The following FGD5 variants were observed in gnomAD, a reference collection of about 807,000 sequenced individuals.
The protein encoded by FGD5 is FYVE, RhoGEF and PH domain containing 5, also known as FYVE, RhoGEF and PH domain-containing protein 5.
A neutral mutation model predicts 133.4 loss-of-function variants in FGD5; 28 were observed. The observed-to-expected ratio is 0.21, with a 90% confidence interval of 0.16 to 0.29. The LOEUF is 0.29. Among genes scored for constraint, FGD5 ranks in the 10% least tolerant of loss-of-function variants. FGD5 has a pLI of 1.00. For missense variants in FGD5, 1,858 were observed against 1,895.2 expected, an observed-to-expected ratio of 0.98 and a Z score of 0.36; for synonymous variants, 810 against 776.5, an observed-to-expected ratio of 1.04 and a Z score of -0.72.
At chr3:14,882,408 A>G (rs2037842476) in intron 4 of FGD5, 1 of 958,014 alleles carries the variant, frequency 1.0e-6, no homozygotes. Flanking sequence ...CATAAAAGTC[A>G]TCACTCAGGC....
At chr3:14,827,538 C>T (rs866390752) in intron 1 of FGD5, among the ~76,000 whole-genome samples, 1 of 152,118 alleles carries the variant, frequency 6.6e-6, no homozygotes, top group African/African-American at 2.4e-5. Flanking sequence ...GAGTGTCCTG[C>T]TTGCAAGAGA....
chr3:14,819,441 G>C lies in FGD5; in HGVS notation c.370G>C (p.Ala124Pro). The change falls in exon 1 of 20, where the codon GCT becomes CCT. Residue 124 changes from alanine to proline, a missense_variant. By Grantham distance (27) the Ala-to-Pro change is conservative. Coordinates refer to ENST00000285046, the MANE Select transcript of FGD5 (RefSeq NM_152536.4). This position sits in a 1 kb window ranked among gnomAD's most constrained non-coding sequence, Gnocchi z 4.1. Reference protein sequence around the residue: ...TGAGEDSVAPAAPGAGALSRE... With the variant: ...TGAGEDSVAPPAPGAGALSRE... ...AGCTGGTGAGGATTCAGTGGCCCCT[G>C]CTGCTCCGGGTGCAGGAGCGCTGAG... is the stretch of plus-strand genomic sequence containing the variant. 1 of 1,550,356 alleles carries C rather than the reference G, an allele frequency of 6.5e-7. No individual in the cohort carries two copies. The highest frequency in any genetic ancestry group is 2.4e-5 in the East Asian group (1 of 40,904).
At chr3:14,927,212 A>G (rs907844037) in intron 18 of FGD5, among the ~76,000 whole-genome samples, 1 of 152,124 alleles carries the variant, frequency 6.6e-6, no homozygotes, top group Non-Finnish European at 1.5e-5. Context: ...GCTGCACCCC[A>G]CCCTGAGGGG....
chr3:14,873,189 G>T (rs2037645363), intron 2 of FGD5, among the ~76,000 whole-genome samples: 1 of 152,098 alleles, frequency 6.6e-6, no homozygotes, highest in Admixed American at 6.6e-5. Flanking sequence ...ATCATGACTG[G>T]GAACTCAATC....
intron 4 of FGD5, among the ~76,000 whole-genome samples, chr3:14,896,256 T>C (rs1575239798): frequency 6.6e-6 from 1 of 152,182 alleles, no homozygotes; most frequent in East Asian, 1.9e-4. Flanking sequence ...AAAATACCAA[T>C]GACATTCTTC....
chr3:14,816,091 G>T (rs1294191888), upstream of FGD5, among the ~76,000 whole-genome samples: 1 of 152,212 alleles, frequency 6.6e-6, no homozygotes, highest in African/African-American at 2.4e-5. Flanking sequence ...TCATGCCTCA[G>T]ACACCCACCA....
chr3:14,864,426 C>T (rs191548763), intron 2 of FGD5, among the ~76,000 whole-genome samples, 166 bp downstream of exon 2: 6 of 152,354 alleles, frequency 3.9e-5, no homozygotes, highest in South Asian at 2.1e-4. Flanking sequence ...TAGGAAGCAT[C>T]GCCTTCTGGG....
chr3:14,829,166 T>G (rs192276870), intron 1 of FGD5, among the ~76,000 whole-genome samples: 1 of 151,938 alleles, frequency 6.6e-6, no homozygotes, highest in East Asian at 1.9e-4. Flanking sequence ...TGCGCTTGAG[T>G]CTGGAGAGTC....
At chr3:14,832,029 C>T (rs1043492154) in intron 1 of FGD5, among the ~76,000 whole-genome samples, 1 of 152,126 alleles carries the variant, frequency 6.6e-6, no homozygotes, top group Non-Finnish European at 1.5e-5. Flanking sequence ...ACCAGAGAGG[C>T]AGCATGGCAC....
intron 7 of FGD5, among the ~76,000 whole-genome samples, chr3:14,899,660 G>A (rs2038199850): frequency 6.6e-6 from 1 of 152,224 alleles, no homozygotes; most frequent in African/African-American, 2.4e-5. Context: ...TGGAGATGCA[G>A]CAGTAAATCG....
At chr3:14,854,119 G>T (rs184192158) in intron 1 of FGD5, among the ~76,000 whole-genome samples, 1 of 151,826 alleles carries the variant, frequency 6.6e-6, no homozygotes, top group East Asian at 1.9e-4. Flanking sequence ...CCACCTTATA[G>T]GTAAGAAACA....
chr3:14,855,704 A>G (rs150745477), intron 1 of FGD5, among the ~76,000 whole-genome samples: 2 of 150,952 alleles, frequency 1.3e-5, no homozygotes, highest in Non-Finnish European at 3.0e-5. Flanking sequence ...TTTTAATCAG[A>G]TTGGGTTTTT....
intron 1 of FGD5, among the ~76,000 whole-genome samples, chr3:14,853,587 A>G (rs1217905739): frequency 7.0e-6 from 1 of 142,266 alleles, no homozygotes; most frequent in African/African-American, 2.6e-5. Context: ...TGAGGATGGA[A>G]TTTGAGGTTG....
At chr3:14,843,336 TGGGTTTTTAGCTCG>T (rs2036961182) in intron 1 of FGD5, among the ~76,000 whole-genome samples, 1 of 151,880 alleles carries the variant, frequency 6.6e-6, no homozygotes, top group Non-Finnish European at 1.5e-5. Context: ...GTGGCAAGAG[TGGGTTTTTAGCTCG>T]GGAAAGTCAA....
rs755687838 is a variant in FGD5, at chr3:14,933,455, G to A, written c.*288G>A. 2 of 381,926 alleles carry A rather than the reference G, an allele frequency of 5.2e-6. No individual in the cohort carries two copies. The highest frequency in any genetic ancestry group is 2.0e-5 in the African/African-American group (1 of 49,016). 23.7% of individuals were successfully genotyped at this position (381,926 alleles called of 1,614,324 possible). ...TTACCCCGCAGTGAGTTAAAATTTA[G>A]TAAGATGAAGATGTGGAAACCAATG... On this transcript the variant is annotated 3_prime_UTR_variant, in exon 20 of 20. Coordinates refer to ENST00000285046, the MANE Select transcript of FGD5 (RefSeq NM_152536.4).
chr3:14,932,583 G>A lies in FGD5; in HGVS notation c.4204G>A (p.Val1402Met). The A allele has an allele frequency of 6.2e-7, 1 of 1,612,408 alleles. No individual in the cohort carries two copies. The highest frequency in any genetic ancestry group is 8.5e-7 in the Non-Finnish European group (1 of 1,179,352). Residue 1402 changes from valine (V) to methionine (M), a missense_variant, in exon 19 of 20, where the codon GTG becomes ATG. Val to Met is a conservative substitution (Grantham distance 21). Transcript: ENST00000285046. ...TTCCTTCTGTCCTCTGCAGGACAAA[G>A]TGGCCTTGGAGAGTATGCCTCTGCT... ...LYTYMASEDK[V>M]ALESMPLLGF...
chr3:14,845,192 G>A (rs1413242566), intron 1 of FGD5, among the ~76,000 whole-genome samples: 6 of 152,146 alleles, frequency 3.9e-5, no homozygotes, highest in Admixed American at 3.9e-4. Flanking sequence ...CCTTTCCATT[G>A]TAAAGGTTCT....
In FGD5 at chr3:14,922,900, T is replaced by C; in HGVS notation, c.3808-146T>C. 1.7e-6 allele frequency: 2 copies of C among 1,162,464 alleles called. No individual in the cohort carries two copies. Among genetic ancestry groups the C allele is most frequent in the Non-Finnish European group, 2.4e-6 (2 of 817,172 alleles). 72.0% of individuals were successfully genotyped at this position (1,162,464 alleles called of 1,614,324 possible). A position where few individuals can be genotyped will look rare whatever the true frequency, so the allele number is the denominator to read the frequency against. ...ACAAGATGAAGCCTTGCCGGAAAAG[T>C]AGGGGACACGCACAGCTCCATGATC... On this transcript the variant is annotated intron_variant, in intron 15 of 19. Transcript: ENST00000285046. The surrounding 1 kb of genome is among the most constrained non-coding windows in gnomAD (Gnocchi z 4.1).
chr3:14,914,376 G>A (rs1453481656), intron 11 of FGD5, among the ~76,000 whole-genome samples: 3 of 152,214 alleles, frequency 2.0e-5, no homozygotes, highest in Non-Finnish European at 4.4e-5. Context: ...ACAGTGGGAA[G>A]CCCCCCTACC....
Sources: allele counts gnomAD v4.1 joint callset (sites outside exome capture counted in the v4.1 genomes callset), GRCh38; gene constraint gnomAD v4.1.1; non-coding constraint Gnocchi (gnomAD v3.1); transcripts MANE v1.5; gene names NCBI Gene and HGNC (gene_info 2026-07-23, HGNC 2026-07-21).